Variants in MARCHF5 observed in about 807,000 individuals in gnomAD.
MARCHF5 encodes the protein membrane associated ring-CH-type finger 5.
MARCHF5 carries 5 observed loss-of-function variants against 36.5 expected under a neutral mutation model. That is an observed-to-expected ratio of 0.14 (90% CI 0.07 to 0.29). The LOEUF (loss-of-function observed/expected upper bound fraction) is 0.29, where lower values mean the gene tolerates loss of function less well. Ranked by LOEUF, MARCHF5 falls within the 10% of genes least tolerant of loss-of-function variation. The pLI is 1.00. For missense variants in MARCHF5, 179 were observed against 336.3 expected (o/e 0.53, Z 3.66); for synonymous variants, 103 against 109.9 (o/e 0.94, Z 0.39).
At chr10:92,299,087 G>A (rs1842981853) in intron 1 of MARCHF5, among the ~76,000 whole-genome samples, 2 of 151,968 alleles carry the variant, frequency 1.3e-5, no homozygotes, top group Admixed American at 6.6e-5. Flanking sequence ...CTCCCAAAGT[G>A]TTAGGACTAC....
At chr10:92,333,122 TGCACTCCA>T (rs1843458924) in intron 2 of MARCHF5, among the ~76,000 whole-genome samples, 1 of 149,716 alleles carries the variant, frequency 6.7e-6, no homozygotes, top group Admixed American at 6.7e-5. Context: ...ATCGCACCAT[TGCACTCCA>T]GCCTGGGCAA....
At chr10:92,318,823 C>T (rs907872031) in intron 2 of MARCHF5, among the ~76,000 whole-genome samples, 5 of 151,984 alleles carry the variant, frequency 3.3e-5, no homozygotes, top group Admixed American at 6.6e-5. Context: ...TCTCCTGCCT[C>T]GGCCTCCCAA....
chr10:92,326,241 C>T (rs1843356252), intron 2 of MARCHF5, among the ~76,000 whole-genome samples: 3 of 151,902 alleles, frequency 2.0e-5, no homozygotes, highest in Admixed American at 6.6e-5. Context: ...GCTAATAGGC[C>T]CCTATTGCCT....
intron 2 of MARCHF5, among the ~76,000 whole-genome samples, chr10:92,337,466 C>T (rs923207161): frequency 1.3e-5 from 2 of 151,834 alleles, no homozygotes; most frequent in African/African-American, 2.4e-5. Flanking sequence ...AGCAGTGAGC[C>T]GAGATCGTGC....
chr10:92,311,041 A>G, intron 1 of MARCHF5, 94 bp from the exon 2 acceptor site: 1 of 836,362 alleles, frequency 1.2e-6, no homozygotes, highest in Non-Finnish European at 1.9e-6. Context: ...GTAATATAAC[A>G]TAGCAGGCTC....
intron 5 of MARCHF5, 140 bp downstream of exon 5, chr10:92,349,977 A>C: frequency 1.5e-6 from 1 of 652,904 alleles, no homozygotes; most frequent in African/African-American, 1.8e-5. Flanking sequence ...ACTATCATTC[A>C]ATAGCTTGAG....
intron 3 of MARCHF5, among the ~76,000 whole-genome samples, chr10:92,341,883 T>C (rs2135215707): frequency 6.7e-6 from 1 of 148,934 alleles, no homozygotes; most frequent in South Asian, 2.2e-4. Flanking sequence ...CTCAACTTCC[T>C]GGGCTCAGTC....
chr10:92,301,896 T>TAA (rs920019280), intron 1 of MARCHF5, among the ~76,000 whole-genome samples: 4 of 151,930 alleles, frequency 2.6e-5, no homozygotes, highest in African/African-American at 9.7e-5. Flanking sequence ...CCATCTCTAC[T>TAA]AAAAATACAA....
chr10:92,305,559 T>C (rs1223388787), intron 1 of MARCHF5, among the ~76,000 whole-genome samples: 2 of 152,164 alleles, frequency 1.3e-5, no homozygotes, highest in Admixed American at 1.3e-4. Context: ...ATTCTGTAGG[T>C]CTGGGGCAAG....
intron 1 of MARCHF5, among the ~76,000 whole-genome samples, chr10:92,309,394 ATTGTATT>A (rs927915567): frequency 2.0e-5 from 3 of 152,300 alleles, no homozygotes; most frequent in African/African-American, 7.2e-5. Flanking sequence ...TAGTCCTAAC[ATTGTATT>A]TTATTTTTCT....
intron 1 of MARCHF5, 178 bp downstream of exon 1, chr10:92,291,707 G>A (rs1761295204): frequency 1.9e-6 from 1 of 529,190 alleles, no homozygotes; most frequent in Admixed American, 6.4e-5. Context: ...CAGAGCGAGC[G>A]GCCTGGGTCG....
intron 2 of MARCHF5, among the ~76,000 whole-genome samples, chr10:92,325,986 T>C (rs973891217): frequency 2.0e-5 from 3 of 152,210 alleles, no homozygotes; most frequent in Non-Finnish European, 2.9e-5. Flanking sequence ...GCTACTCTTA[T>C]TTTATTGTTG....
At chr10:92,291,760 C>T (rs1391543817) in intron 1 of MARCHF5, among the ~76,000 whole-genome samples, 3 of 152,178 alleles carry the variant, frequency 2.0e-5, no homozygotes. Context: ...CGTCTGGTTT[C>T]CTTGGAACCC....
intron 2 of MARCHF5, among the ~76,000 whole-genome samples, chr10:92,324,131 A>G (rs1249818241): frequency 2.0e-5 from 3 of 152,198 alleles, no homozygotes; most frequent in Non-Finnish European, 2.9e-5. Context: ...AAATTTTCTA[A>G]TGACATATGA....
At position 92,340,603 on chromosome 10, in the gene MARCHF5, A is replaced by T. The variant is rs1843567521; in HGVS notation, c.239-70A>T. 15 of 1,433,718 alleles carry T rather than the reference A, an allele frequency of 1.0e-5. No individual in the cohort carries two copies. The East Asian group carries it at 3.6e-4, about 35-fold the overall frequency. The allele number at this position is 1,433,718 out of a possible 1,614,324, so 88.8% of individuals were successfully genotyped here. On this transcript the variant is annotated intron_variant, in intron 2 of 5. Transcript: ENST00000358935. The stretch of plus-strand genomic sequence containing the variant: ...GGGGGAAGGTATTTTAGATCTATAG[A>T]AAATATCAAACAAGTCATTTTAAAA...
chr10:92,323,824 C>T (rs1843320961), intron 2 of MARCHF5, among the ~76,000 whole-genome samples: 1 of 152,206 alleles, frequency 6.6e-6, no homozygotes, highest in Non-Finnish European at 1.5e-5. Context: ...ATCTTGGTTG[C>T]TTTCAAGTTT....
intron 1 of MARCHF5, among the ~76,000 whole-genome samples, chr10:92,292,324 C>T (rs1842887545): frequency 6.6e-6 from 1 of 152,008 alleles, no homozygotes; most frequent in South Asian, 2.1e-4. Flanking sequence ...ACTCTAGATC[C>T]ACATTTCCCC....
intron 2 of MARCHF5, among the ~76,000 whole-genome samples, chr10:92,322,081 C>G (rs1459901921): frequency 6.6e-6 from 1 of 151,258 alleles, no homozygotes; most frequent in Non-Finnish European, 1.5e-5. Context: ...CCCGTCTCTA[C>G]TAAAAATATA....
chr10:92,323,660 A>G (rs1315413508), intron 2 of MARCHF5, among the ~76,000 whole-genome samples: 2 of 152,138 alleles, frequency 1.3e-5, no homozygotes, highest in East Asian at 3.8e-4. Flanking sequence ...GGACTCGTAC[A>G]GTATGTAGCC....
Sources: allele counts gnomAD v4.1 joint callset (sites outside exome capture counted in the v4.1 genomes callset), GRCh38; gene constraint gnomAD v4.1.1; transcripts MANE v1.5; gene names NCBI Gene and HGNC (gene_info 2026-07-23, HGNC 2026-07-21).